NF2: variants seen among roughly 807,000 people sequenced by gnomAD.
The protein encoded by NF2 is merlin.
A neutral mutation model predicts 83.7 loss-of-function variants in NF2; 8 were observed. That is an observed-to-expected ratio of 0.10 (90% CI 0.06 to 0.17). The LOEUF is 0.17. Ranked by LOEUF, NF2 falls within the 10% of genes least tolerant of loss-of-function variation. NF2 has a pLI of 1.00. For synonymous variants in NF2, 266 were observed against 269.6 expected (o/e 0.99, Z 0.13); for missense variants, 533 against 744.4 (o/e 0.72, Z 3.31).
rs557633509 is a variant in NF2, at chr22:29,606,418, A to C, written c.114+2306A>C. ...CCCTGCCTCCTTCCACCAAGTGCTC[A>C]GTTCCTAGAGTGAGGGTATTTCTCA... On this transcript the variant is annotated intron_variant, in intron 1 of 15. Transcript: ENST00000338641. 8.5e-5 allele frequency among the ~76,000 whole-genome samples: 13 copies of C among 152,336 alleles called. No individual in the cohort carries two copies. In the South Asian group the frequency reaches 2.7e-3, roughly 32 times the overall value.
intron 8 of NF2, among the ~76,000 whole-genome samples, chr22:29,664,371 C>CCA (rs35386801): frequency 0.034 from 5,001 of 146,404 alleles, 127 homozygotes; most frequent in African/African-American, 0.063. Flanking sequence ...AAAGCTAATA[C>CCA]CACACACACA....
In NF2 at chr22:29,697,167, C is replaced by T. The variant is rs765602116; in HGVS notation, c.*2365C>T. ...TGGATTTCCACCAGGAGTTACTTTCCTCCTGACCTGTAAATTTGTTCTTTA... is the reference window on the plus strand; with the variant it reads ...TGGATTTCCACCAGGAGTTACTTTCTTCCTGACCTGTAAATTTGTTCTTTA... On this transcript the variant is annotated 3_prime_UTR_variant, in exon 16 of 16. Transcript: ENST00000338641. The T allele has an allele frequency of 6.4e-4, 129 of 201,594 alleles. No homozygotes were observed. The highest frequency in any genetic ancestry group is 1.1e-3 in the Non-Finnish European group (111 of 97,600). The allele number at this position is 201,594 out of a possible 1,614,324, so 12.5% of individuals were successfully genotyped here. A position where few individuals can be genotyped will look rare whatever the true frequency, so the allele number is the denominator to read the frequency against.
At chr22:29,620,117 G>C (rs2065177724) in intron 1 of NF2, among the ~76,000 whole-genome samples, 1 of 152,108 alleles carries the variant, frequency 6.6e-6, no homozygotes, top group Non-Finnish European at 1.5e-5. Context: ...AAATTAGCCA[G>C]GCGTGGTAGT....
chr22:29,681,710 T>C, intron 15 of NF2, 109 bp downstream of exon 15: 1 of 1,373,460 alleles, frequency 7.3e-7, no homozygotes. Context: ...ATTGGCATCT[T>C]TTGTATGTAC....
intron 1 of NF2, among the ~76,000 whole-genome samples, chr22:29,608,663 C>T (rs527544146): frequency 6.7e-6 from 1 of 148,564 alleles, no homozygotes; most frequent in East Asian, 2.0e-4. Context: ...AGCGAGACTC[C>T]ATCCCTGCCC....
At chr22:29,683,141 GTC>G in intron 15 of NF2, 2 of 1,614,066 alleles carry the variant, frequency 1.2e-6, no homozygotes, top group East Asian at 4.5e-5. Context: ...GAGCTTGCCT[GTC>G]TCTGTCCTCG....
At chr22:29,664,905 T>C (rs544840565) in intron 8 of NF2, 85 bp from the exon 9 acceptor site, 2 of 931,900 alleles carry the variant, frequency 2.1e-6, no homozygotes, top group South Asian at 1.4e-5. Flanking sequence ...CTGTGGCCAG[T>C]GTGGTTGCGC....
intron 15 of NF2, chr22:29,683,097 A>G (rs1478791994): frequency 1.2e-6 from 2 of 1,614,154 alleles, no homozygotes; most frequent in Non-Finnish European, 1.7e-6. Context: ...CTATGTGGTG[A>G]TGGTGCTGCC....
chr22:29,680,338 C>T (rs1268050927), intron 14 of NF2, among the ~76,000 whole-genome samples: 1 of 152,218 alleles, frequency 6.6e-6, no homozygotes, highest in Non-Finnish European at 1.5e-5. Flanking sequence ...TCTCGAACTC[C>T]TGACCTCATG....
intron 1 of NF2, among the ~76,000 whole-genome samples, chr22:29,605,399 G>T (rs1326921687): frequency 2.0e-5 from 3 of 152,038 alleles, no homozygotes; most frequent in African/African-American, 7.2e-5. Context: ...TCCTGACCTC[G>T]TGACCAGCCG....
intron 15 of NF2, among the ~76,000 whole-genome samples, chr22:29,689,713 C>G (rs1459924745): frequency 1.3e-5 from 2 of 152,094 alleles, no homozygotes; most frequent in African/African-American, 2.4e-5. Flanking sequence ...GTTTTGTTCC[C>G]CAGCTTAATT....
chr22:29,678,110 GC>G, intron 13 of NF2, 85 bp from the exon 14 acceptor site: 1 of 1,588,126 alleles, frequency 6.3e-7, no homozygotes, highest in South Asian at 1.1e-5. Flanking sequence ...TGCCTCTGTG[GC>G]TGCTGGAGGA....
chr22:29,675,524 G>T (rs1601653614), intron 13 of NF2, among the ~76,000 whole-genome samples: 1 of 151,386 alleles, frequency 6.6e-6, no homozygotes, highest in Non-Finnish European at 1.5e-5. Flanking sequence ...GTGCCATGCA[G>T]TTGGAAGTCT....
chr22:29,653,989 G>GTT (rs966282601), intron 4 of NF2, among the ~76,000 whole-genome samples: 1 of 133,848 alleles, frequency 7.5e-6, no homozygotes. Flanking sequence ...TAGGAAAGGA[G>GTT]TTTTTTTTTT....
intron 9 of NF2, among the ~76,000 whole-genome samples, chr22:29,667,863 G>T (rs1283217735): frequency 1.3e-5 from 2 of 151,544 alleles, no homozygotes; most frequent in Non-Finnish European, 2.9e-5. Context: ...CTTCTATATT[G>T]TCTTCTAAAA....
intron 12 of NF2, among the ~76,000 whole-genome samples, chr22:29,673,756 G>T (rs2066880159): frequency 6.6e-6 from 1 of 152,226 alleles, no homozygotes; most frequent in Non-Finnish European, 1.5e-5. Context: ...CCCTCTGATG[G>T]CCGTGTGTGC....
intron 9 of NF2, 98 bp downstream of exon 9, chr22:29,665,162 A>G (rs2147034291): frequency 2.2e-6 from 2 of 917,148 alleles, no homozygotes. Flanking sequence ...CTTGTGAAGT[A>G]TAGAATGGTA....
chr22:29,651,538 A>G (rs962983334), intron 4 of NF2, among the ~76,000 whole-genome samples: 9 of 152,364 alleles, frequency 5.9e-5, no homozygotes, highest in African/African-American at 2.2e-4. Flanking sequence ...AGGAGCAGCC[A>G]TCTCCATCCC....
Position 29,658,246 on chromosome 22 carries a change from G to A in NF2, c.657G>A (p.Val219=), listed in dbSNP as rs2146990649. Residue 219 remains valine, a synonymous_variant, in exon 7 of 16, where the codon GTG becomes GTA. Coordinates refer to ENST00000338641, the MANE Select transcript of NF2 (RefSeq NM_000268.4). ...CTCAGGACCTGGAGATGTACGGTGT[G>A]AACTACTTTGCAATCCGGGTGTGTT... ...KIAQDLEMYG[V]NYFAIRNKKG... The A allele has an allele frequency of 6.2e-7, 1 of 1,614,166 alleles. No individual in the cohort carries two copies. The highest frequency in any genetic ancestry group is 1.3e-5 in the African/African-American group (1 of 75,050).
Sources: gnomAD v4.1 joint callset for allele counts (sites outside exome capture counted in the v4.1 genomes callset) on GRCh38, gnomAD v4.1.1 for gene constraint, MANE v1.5 for transcripts, NCBI Gene and HGNC (gene_info 2026-07-23, HGNC 2026-07-21) for gene names.